Variants in KCNIP1 observed in about 807,000 individuals in gnomAD.
KCNIP1 encodes the protein A-type potassium channel modulatory protein KCNIP1.
A neutral mutation model predicts 33.0 loss-of-function variants in KCNIP1; 18 were observed. The observed-to-expected ratio is 0.55, with a 90% CI of 0.38 to 0.81. KCNIP1 has a LOEUF of 0.81. Among genes scored for constraint, KCNIP1 ranks in the 30% least tolerant of loss-of-function variants. The probability of loss-of-function intolerance (pLI) is 0.00; values close to 1 mark genes in which losing one functional copy is unlikely to be tolerated. For missense variants in KCNIP1, 238 were observed against 271.6 expected, an observed-to-expected ratio of 0.88 and a Z score of 0.87; for synonymous variants, 93 against 98.3, an observed-to-expected ratio of 0.95 and a Z score of 0.32.
intron 1 of KCNIP1, among the ~76,000 whole-genome samples, chr5:170,668,133 C>A (rs1432921405): frequency 1.3e-5 from 2 of 152,186 alleles, no homozygotes; most frequent in African/African-American, 2.4e-5. Flanking sequence ...AACTGCATCC[C>A]TTTTCCCTGA....
intron 1 of KCNIP1, among the ~76,000 whole-genome samples, chr5:170,539,816 T>A (rs898272355): frequency 6.6e-6 from 1 of 151,920 alleles, no homozygotes; most frequent in Admixed American, 6.6e-5. Flanking sequence ...AGGGGCTGAA[T>A]TGGGGGGAAT....
intron 1 of KCNIP1, among the ~76,000 whole-genome samples, chr5:170,516,531 G>A (rs190075527): frequency 1.8e-4 from 28 of 152,276 alleles, no homozygotes; most frequent in Admixed American, 3.9e-4. Flanking sequence ...GAATTCATGC[G>A]GCAGAGAAAC....
intron 1 of KCNIP1, among the ~76,000 whole-genome samples, chr5:170,597,787 AT>A (rs1235270685): frequency 0.33 from 665 of 2,042 alleles, 16 homozygotes; most frequent in African/African-American, 0.39. Context: ...AGAGATAAAT[AT>A]ATATATATAT....
chr5:170,530,610 C>T (rs6555903), intron 1 of KCNIP1, among the ~76,000 whole-genome samples: 73,579 of 151,758 alleles, frequency 0.48, 18,077 homozygotes, highest in African/African-American at 0.57. Context: ...CCAAGATCTA[C>T]TGGATGCTTT....
intron 1 of KCNIP1, among the ~76,000 whole-genome samples, chr5:170,394,094 A>G (rs886777760): frequency 6.6e-6 from 1 of 152,064 alleles, no homozygotes; most frequent in Non-Finnish European, 1.5e-5. Context: ...CAACACACAT[A>G]AAGGAAGCAT....
At chr5:170,528,833 T>C (rs1018310051) in intron 1 of KCNIP1, among the ~76,000 whole-genome samples, 1 of 152,226 alleles carries the variant, frequency 6.6e-6, no homozygotes, top group African/African-American at 2.4e-5. Context: ...TGTCTCTGTA[T>C]GCATGTGCAG....
chr5:170,703,984 G>A (rs1763179858), intron 1 of KCNIP1, among the ~76,000 whole-genome samples: 1 of 138,324 alleles, frequency 7.2e-6, no homozygotes, highest in African/African-American at 2.6e-5. Flanking sequence ...GGTAGATTTT[G>A]ATACCTGCTG....
intron 1 of KCNIP1, among the ~76,000 whole-genome samples, chr5:170,495,559 C>A (rs1757294285): frequency 6.6e-6 from 1 of 152,232 alleles, no homozygotes; most frequent in African/African-American, 2.4e-5. Context: ...CCGCCAAAGT[C>A]TGGGGTTTCA....
intron 1 of KCNIP1, among the ~76,000 whole-genome samples, chr5:170,582,725 C>T (rs1757842152): frequency 6.6e-6 from 1 of 152,192 alleles, no homozygotes; most frequent in African/African-American, 2.4e-5. Context: ...CTGTATAACA[C>T]TTTTCACCTT....
intron 1 of KCNIP1, among the ~76,000 whole-genome samples, chr5:170,507,079 C>T (rs1371204693): frequency 6.6e-6 from 1 of 152,174 alleles, no homozygotes; most frequent in Non-Finnish European, 1.5e-5. Context: ...CCTCAGGTTC[C>T]ATTTGGTTCT....
intron 1 of KCNIP1, among the ~76,000 whole-genome samples, chr5:170,617,503 C>T (rs1759429957): frequency 6.6e-6 from 1 of 152,120 alleles, no homozygotes; most frequent in Admixed American, 6.5e-5. Flanking sequence ...TGATCTTAAG[C>T]CACCAGCCTT....
intron 1 of KCNIP1, among the ~76,000 whole-genome samples, chr5:170,556,548 G>C (rs1288820445): frequency 2.6e-5 from 4 of 152,200 alleles, no homozygotes; most frequent in African/African-American, 9.6e-5. Flanking sequence ...GGTGGGAGCC[G>C]ATGTCAACAG....
intron 6 of KCNIP1, among the ~76,000 whole-genome samples, chr5:170,733,450 AAG>A (rs1207201713): frequency 6.6e-6 from 1 of 152,228 alleles, no homozygotes; most frequent in Admixed American, 6.5e-5. Context: ...CAGATGGGAA[AAG>A]AGAGTCCTCT....
At chr5:170,492,962 A>C (rs985870464) in intron 1 of KCNIP1, among the ~76,000 whole-genome samples, 2 of 151,996 alleles carry the variant, frequency 1.3e-5, no homozygotes, top group Admixed American at 6.6e-5. Flanking sequence ...GCTGGCCAGG[A>C]TGGTATTGAT....
At chr5:170,572,372 C>T (rs1323388938) in intron 1 of KCNIP1, among the ~76,000 whole-genome samples, 5 of 152,196 alleles carry the variant, frequency 3.3e-5, no homozygotes, top group East Asian at 1.9e-4. Flanking sequence ...AGATGGACCC[C>T]GGTGGGACCT....
At chr5:170,434,052 C>T (rs974703270) in intron 1 of KCNIP1, among the ~76,000 whole-genome samples, 1 of 152,186 alleles carries the variant, frequency 6.6e-6, no homozygotes. Flanking sequence ...CCACTTTTCT[C>T]ATCACGCTTA....
chr5:170,586,556 A>G (rs1394530957), intron 1 of KCNIP1, among the ~76,000 whole-genome samples: 1 of 152,222 alleles, frequency 6.6e-6, no homozygotes, highest in Non-Finnish European at 1.5e-5. Flanking sequence ...GGTCCATGCC[A>G]CATTGTTCTG....
intron 1 of KCNIP1, among the ~76,000 whole-genome samples, chr5:170,424,484 CCA>C (rs1310082985): frequency 6.6e-6 from 1 of 152,062 alleles, no homozygotes; most frequent in Non-Finnish European, 1.5e-5. Flanking sequence ...CCCCGAGGCT[CCA>C]CACACCTCAG....
chr5:170,591,571 A>G (rs1758263344), intron 1 of KCNIP1, among the ~76,000 whole-genome samples: 1 of 152,168 alleles, frequency 6.6e-6, no homozygotes, highest in East Asian at 1.9e-4. Context: ...TCATCTTGCA[A>G]AACCAAAACT....
Sources: allele counts gnomAD v4.1 joint callset (sites outside exome capture counted in the v4.1 genomes callset), GRCh38; gene constraint gnomAD v4.1.1; transcripts MANE v1.5; gene names NCBI Gene and HGNC (gene_info 2026-07-23, HGNC 2026-07-21).